COL23A1: variants seen among roughly 807,000 people sequenced by gnomAD.
The protein encoded by COL23A1 is collagen type XXIII alpha 1 chain.
A neutral mutation model predicts 99.3 loss-of-function variants in COL23A1; 97 were observed. That is an observed-to-expected ratio of 0.98 (90% CI 0.83 to 1.16). The LOEUF (loss-of-function observed/expected upper bound fraction) is 1.16. Ranked by LOEUF, COL23A1 falls within the 50% of genes most tolerant of loss-of-function variation. The probability of loss-of-function intolerance (pLI) is 0.00; values close to 1 mark genes in which losing one functional copy is unlikely to be tolerated. For synonymous variants in COL23A1, 320 were observed against 308.2 expected (o/e 1.04, Z -0.40); for missense variants, 762 against 757.4 (o/e 1.01, Z -0.07).
intron 1 of COL23A1, among the ~76,000 whole-genome samples, chr5:178,572,951 C>T (rs535388044): frequency 2.6e-5 from 4 of 152,246 alleles, no homozygotes; most frequent in East Asian, 1.9e-4. Flanking sequence ...AGAAACCAGA[C>T]GAACAAAGAG....
chr5:178,568,685 T>C (rs952597965), intron 1 of COL23A1, among the ~76,000 whole-genome samples: 2 of 152,248 alleles, frequency 1.3e-5, no homozygotes, highest in African/African-American at 4.8e-5. Context: ...TCAACACCAC[T>C]TGTGATTTCC....
chr5:178,280,000 A>G (rs1756802709), intron 5 of COL23A1, among the ~76,000 whole-genome samples: 1 of 152,198 alleles, frequency 6.6e-6, no homozygotes, highest in Non-Finnish European at 1.5e-5. Context: ...GTTTCCTGCT[A>G]CCGTATCCCA....
chr5:178,437,513 G>A (rs1166537620), intron 2 of COL23A1, among the ~76,000 whole-genome samples: 1 of 152,186 alleles, frequency 6.6e-6, no homozygotes, highest in Non-Finnish European at 1.5e-5. Context: ...GATGTGTGGT[G>A]GGGAGGAGGG....
chr5:178,358,669 TAA>T lies in COL23A1; in HGVS notation c.362-51752_362-51751del, dbSNP rs1491180717. On this transcript the variant is annotated intron_variant, in intron 2 of 28. Coordinates refer to ENST00000390654, the MANE Select transcript of COL23A1 (RefSeq NM_173465.4). Reference sequence around the variant, plus strand: ...GTGTATGTGTACGTGTGTATGTGTCTAATGTGTATGTGTATGTGTGTGTATGT... The same window carrying T: ...GTGTATGTGTACGTGTGTATGTGTCTTGTGTATGTGTATGTGTGTGTATGT... Among the ~76,000 whole-genome samples the T allele has an allele frequency of 9.6e-4, 69 of 71,560 alleles. No homozygotes were observed. In the Middle Eastern group the frequency reaches 0.019, roughly 20 times the overall value. The allele number at this position is 71,560 out of a possible 152,430, so 46.9% of individuals were successfully genotyped here.
chr5:178,380,162 T>A (rs919420147), intron 2 of COL23A1, among the ~76,000 whole-genome samples: 1 of 152,158 alleles, frequency 6.6e-6, no homozygotes, highest in Non-Finnish European at 1.5e-5. Context: ...ATGGTTTTAT[T>A]TATCTGTAGA....
At chr5:178,442,188 A>G (rs898452769) in intron 2 of COL23A1, among the ~76,000 whole-genome samples, 1 of 151,714 alleles carries the variant, frequency 6.6e-6, no homozygotes, top group Non-Finnish European at 1.5e-5. Flanking sequence ...TCTGAACTCC[A>G]TCTCTCTCTC....
rs1756818172 is a variant in COL23A1 at position 178,280,159 on chromosome 5, C to G, written c.441+8165G>C. Among the ~76,000 whole-genome samples, 1 of 152,256 alleles carries G rather than the reference C, an allele frequency of 6.6e-6. No individual in the cohort carries two copies. Among genetic ancestry groups the G allele is most frequent in the Non-Finnish European group, 1.5e-5 (1 of 68,046 alleles). On this transcript the variant is annotated intron_variant, in intron 5 of 28. Coordinates refer to ENST00000390654, the MANE Select transcript of COL23A1 (RefSeq NM_173465.4). This position sits in a 1 kb window ranked among gnomAD's most constrained non-coding sequence, Gnocchi z 4.9. ...AACACTAGAGGGCGCGCTTGACCTG[C>G]CGAAGGCTGCCTCCAGCCCTGGCGG... is the stretch of plus-strand genomic sequence containing the variant.
chr5:178,469,588 G>C (rs947193720), intron 2 of COL23A1, among the ~76,000 whole-genome samples: 1 of 152,050 alleles, frequency 6.6e-6, no homozygotes, highest in African/African-American at 2.4e-5. Context: ...GAGCACTCTC[G>C]GGGGAGCTGG....
Position 178,365,136 on chromosome 5 carries a change from C to CGTGTGTGTGTGTGTGTGT in COL23A1, c.362-58235_362-58218dup, listed in dbSNP as rs55995523. On this transcript the variant is annotated intron_variant, in intron 2 of 28. Transcript: ENST00000390654. The surrounding 1 kb of genome is among the most constrained non-coding windows in gnomAD (Gnocchi z 5.2). ...GGGCTTTATGATGTTGCTGTGTGTG[C>CGTGTGTGTGTGTGTGTGT]GTGTGTGTGTGTGTGTGTGTGTGTG... is the stretch of plus-strand genomic sequence containing the variant. Among the ~76,000 whole-genome samples the CGTGTGTGTGTGTGTGTGT allele has an allele frequency of 2.7e-5, 4 of 147,806 alleles. No individual in the cohort carries two copies. Among genetic ancestry groups the CGTGTGTGTGTGTGTGTGT allele is most frequent in the Admixed American group, 6.8e-5 (1 of 14,810 alleles).
intron 2 of COL23A1, among the ~76,000 whole-genome samples, chr5:178,358,246 A>ATGTG (rs202134540): frequency 1.8e-4 from 23 of 128,454 alleles, no homozygotes; most frequent in African/African-American, 2.7e-4. Flanking sequence ...GTGTATGTGT[A>ATGTG]TGTGTGTGTA....
intron 2 of COL23A1, among the ~76,000 whole-genome samples, chr5:178,441,334 AT>A (rs1190614289): frequency 1.3e-5 from 2 of 152,218 alleles, no homozygotes; most frequent in Non-Finnish European, 2.9e-5. Context: ...ATACACGTGC[AT>A]TTTTTAGAGT....
intron 2 of COL23A1, among the ~76,000 whole-genome samples, chr5:178,382,631 G>A (rs1471823857): frequency 2.6e-5 from 4 of 152,108 alleles, no homozygotes; most frequent in African/African-American, 9.7e-5. Context: ...GTCCCCTCCC[G>A]CAAAGTCTCA....
intron 1 of COL23A1, among the ~76,000 whole-genome samples, chr5:178,585,873 C>T (rs574742730): frequency 2.6e-5 from 4 of 152,356 alleles, no homozygotes; most frequent in Admixed American, 2.0e-4. Context: ...CTATGGCGAT[C>T]GCATTACCCT....
intron 2 of COL23A1, among the ~76,000 whole-genome samples, chr5:178,392,301 C>T (rs771855190): frequency 2.0e-5 from 3 of 152,056 alleles, no homozygotes; most frequent in Non-Finnish European, 4.4e-5. Flanking sequence ...CCCGCACGGA[C>T]GCAGCATCAC....
At chr5:178,320,173 T>C (rs1192125908) in intron 2 of COL23A1, among the ~76,000 whole-genome samples, 2 of 152,282 alleles carry the variant, frequency 1.3e-5, no homozygotes, top group Admixed American at 1.3e-4. Context: ...GCTTATTCTA[T>C]GTGCTTTTCA....
At chr5:178,498,925 T>TA (rs36048620) in intron 2 of COL23A1, among the ~76,000 whole-genome samples, 13,388 of 145,022 alleles carry the variant, frequency 0.092, 1,580 homozygotes, top group East Asian at 0.53. Context: ...CCATCTCTTC[T>TA]AAAAAAAAAA....
At chr5:178,347,879 C>CAAA (rs748111944) in intron 2 of COL23A1, among the ~76,000 whole-genome samples, 4,607 of 43,622 alleles carry the variant, frequency 0.11, 178 homozygotes, top group East Asian at 0.32. Flanking sequence ...GACTCTGTCT[C>CAAA]AAAAAAAAAA....
At position 178,340,449 on chromosome 5, in the gene COL23A1, C is replaced by T. The variant is rs186543986; in HGVS notation, c.362-33530G>A. ...TACTGAAGAGCCCAGCTCCACACCA[C>T]GACTCCAGCTACACTCCAGCCTTGA... is the stretch of plus-strand genomic sequence containing the variant. On this transcript the variant is annotated intron_variant, in intron 2 of 28. Transcript: ENST00000390654. The surrounding 1 kb of genome is among the most constrained non-coding windows in gnomAD (Gnocchi z 4.7). Among the ~76,000 whole-genome samples the T allele has an allele frequency of 5.3e-5, 8 of 152,312 alleles. No homozygotes were observed. The highest frequency in any genetic ancestry group is 3.9e-4 in the East Asian group (2 of 5,176).
At chr5:178,478,753 A>G (rs1757166055) in intron 2 of COL23A1, among the ~76,000 whole-genome samples, 2 of 152,190 alleles carry the variant, frequency 1.3e-5, no homozygotes, top group Admixed American at 1.3e-4. Flanking sequence ...GGTTTAAAGC[A>G]AAGTAGCCAG....
Sources: gnomAD v4.1 joint callset for allele counts (sites outside exome capture counted in the v4.1 genomes callset) on GRCh38, gnomAD v4.1.1 for gene constraint, Gnocchi (gnomAD v3.1) non-coding constraint, MANE v1.5 for transcripts, NCBI Gene and HGNC (gene_info 2026-07-23, HGNC 2026-07-21) for gene names.